The following DPP9 variants were observed in gnomAD, a reference collection of about 807,000 sequenced individuals.
The protein encoded by DPP9 is dipeptidyl peptidase IV-related protein-2.
DPP9 carries 50 observed loss-of-function variants against 110.7 expected under a neutral mutation model. The ratio of observed to expected loss-of-function variants is 0.45; its 90% CI spans 0.36 to 0.57. The LOEUF is 0.57. Ranked by LOEUF, DPP9 falls within the 20% of genes least tolerant of loss-of-function variation. The pLI, the probability that DPP9 is intolerant of heterozygous loss-of-function variation, is 0.00. For missense variants in DPP9, 1,022 were observed against 1,217.9 expected (o/e 0.84, Z 2.39); for synonymous variants, 561 against 514.4 (o/e 1.09, Z -1.23).
In DPP9 at chr19:4,718,894, G is replaced by A. The variant is rs960681360; in HGVS notation, c.56+957C>T. ...GAAAATTGAATACTGAGAAAGGTTCGCAGGGTCGAGGAATTCCTACCGCCT... is the reference window on the plus strand; with the variant it reads ...GAAAATTGAATACTGAGAAAGGTTCACAGGGTCGAGGAATTCCTACCGCCT... On this transcript the variant is annotated intron_variant, in intron 3 of 21. Coordinates refer to ENST00000262960, the MANE Select transcript of DPP9 (RefSeq NM_139159.5). The surrounding 1 kb of genome is among the most constrained non-coding windows in gnomAD (Gnocchi z 4.3). Among the ~76,000 whole-genome samples, 4 of 152,236 alleles carry A rather than the reference G, an allele frequency of 2.6e-5. No individual in the cohort carries two copies. The highest frequency in any genetic ancestry group is 5.9e-5 in the Non-Finnish European group (4 of 68,012).
intron 11 of DPP9, 36 bp downstream of exon 11, chr19:4,697,515 A>C (rs368624091): frequency 6.3e-7 from 1 of 1,576,242 alleles, no homozygotes; most frequent in East Asian, 2.2e-5. Context: ...AGGGCCCTGC[A>C]GGTGAATTCC....
In DPP9 at chr19:4,694,566, T is replaced by G; in HGVS notation, c.1516+95A>C. ...CTGTTCCTTCTCCCGCAGGGTGTGC[T>G]GGCTGAGTGGGGGGGCCGACCAATG... On this transcript the variant is annotated intron_variant, in intron 13 of 21. Coordinates refer to ENST00000262960, the MANE Select transcript of DPP9 (RefSeq NM_139159.5). The surrounding 1 kb of genome is among the most constrained non-coding windows in gnomAD (Gnocchi z 4.0). 1 of 1,462,774 alleles carries G rather than the reference T, an allele frequency of 6.8e-7. No homozygotes were observed. The highest frequency in any genetic ancestry group is 1.3e-5 in the South Asian group (1 of 77,746). The allele number at this position is 1,462,774 out of a possible 1,614,324, so 90.6% of individuals were successfully genotyped here.
intron 4 of DPP9, among the ~76,000 whole-genome samples, chr19:4,709,525 G>A (rs947615773): frequency 4.6e-5 from 7 of 152,150 alleles, no homozygotes; most frequent in African/African-American, 1.2e-4. Context: ...GACCCTGCCC[G>A]TCCGGCCGCC....
rs905429126 is a variant in DPP9 at position 4,718,009 on chromosome 19, C to A, written c.56+1842G>T. 1 of 152,334 alleles carries A rather than the reference C, an allele frequency of 6.6e-6. No individual in the cohort carries two copies. Among genetic ancestry groups the A allele is most frequent in the African/African-American group, 2.4e-5 (1 of 41,466 alleles). The allele number at this position is 152,334 out of a possible 1,614,324, so 9.4% of individuals were successfully genotyped here. A position where few individuals can be genotyped will look rare whatever the true frequency, so the allele number is the denominator to read the frequency against. On this transcript the variant is annotated intron_variant, in intron 3 of 21. Transcript: ENST00000262960. This position sits in a 1 kb window ranked among gnomAD's most constrained non-coding sequence, Gnocchi z 4.3. ...CTGGGTGCCTCTGCGGCCTGTGACA[C>A]CACCAGCAAACAGCTCCAGACCTCC... is the stretch of plus-strand genomic sequence containing the variant.
chr19:4,702,547 T>G (rs1422524692), intron 8 of DPP9, 56 bp downstream of exon 8: 2 of 1,344,724 alleles, frequency 1.5e-6, no homozygotes, highest in Non-Finnish European at 2.1e-6. Context: ...ACACAGCCTG[T>G]GATTCCAGGA....
intron 2 of DPP9, among the ~76,000 whole-genome samples, 153 bp from the exon 3 acceptor site, chr19:4,720,094 T>C (rs774968070): frequency 4.3e-4 from 65 of 152,200 alleles, no homozygotes; most frequent in Non-Finnish European, 9.0e-4. Flanking sequence ...GAAGAGACGA[T>C]GCTTCAGGCC....
Position 4,676,554 on chromosome 19 carries a change from G to C in DPP9, c.*10C>G. On this transcript the variant is annotated 3_prime_UTR_variant, in exon 22 of 22. Coordinates refer to ENST00000262960, the MANE Select transcript of DPP9 (RefSeq NM_139159.5). The surrounding 1 kb of genome is among the most constrained non-coding windows in gnomAD (Gnocchi z 4.0). The stretch of plus-strand genomic sequence containing the variant: ...TTGTGCTGTGATGTGGCGGCTCCCG[G>C]TGGGCAGGCTCAGAGGTATTCCTGT... The C allele has an allele frequency of 6.3e-7, 1 of 1,586,858 alleles. No homozygotes were observed. The highest frequency in any genetic ancestry group is 2.3e-5 in the East Asian group (1 of 43,010).
At position 4,685,700 on chromosome 19, in the gene DPP9, T is replaced by C; in HGVS notation, c.1957A>G (p.Met653Val). Residue 653 changes from methionine to valine, a missense_variant, in exon 17 of 22, where the codon ATG (methionine) becomes GTG (valine). By Grantham distance (21) the Met-to-Val change is conservative. This residue lies in a region of DPP9 where 810 missense variants were observed against 920.6 expected (regional missense o/e 0.88). Coordinates refer to ENST00000262960, the MANE Select transcript of DPP9 (RefSeq NM_139159.5). This position sits in a 1 kb window ranked among gnomAD's most constrained non-coding sequence, Gnocchi z 5.8. Reference protein sequence around the residue: ...HTRSDVRLYGMIYKPHALQPG... With the variant: ...HTRSDVRLYGVIYKPHALQPG... Reference sequence around the variant, plus strand: ...TGCAAGGCGTGGGGCTTGTAGATCATGCCGTAGAGCCGCACATCCGAGCGC... The same window carrying C: ...TGCAAGGCGTGGGGCTTGTAGATCACGCCGTAGAGCCGCACATCCGAGCGC... 6.2e-7 allele frequency: 1 copy of C among 1,613,482 alleles called. No individual in the cohort carries two copies.
Position 4,704,418 on chromosome 19 carries a change from G to T in DPP9, c.427-114C>A. On this transcript the variant is annotated intron_variant, in intron 5 of 21. Transcript: ENST00000262960. This position sits in a 1 kb window ranked among gnomAD's most constrained non-coding sequence, Gnocchi z 6.0. Reference sequence around the variant, plus strand: ...CCCAGGGAATCTGACTTCGGGCCTCGCCAGAGAGAACTTCCTGTACTGGGC... The same window carrying T: ...CCCAGGGAATCTGACTTCGGGCCTCTCCAGAGAGAACTTCCTGTACTGGGC... 1.5e-6 allele frequency: 2 copies of T among 1,303,158 alleles called. No homozygotes were observed. Among genetic ancestry groups the T allele is most frequent in the African/African-American group, 2.9e-5 (2 of 68,238 alleles). The allele number at this position is 1,303,158 out of a possible 1,614,324, so 80.7% of individuals were successfully genotyped here.
At position 4,676,638 on chromosome 19, in the gene DPP9, G is replaced by C; in HGVS notation, c.2605C>G (p.His869Asp). Residue 869 changes from histidine to aspartate, a missense_variant, in exon 22 of 22, where the codon CAC becomes GAC. His to Asp is a moderately conservative substitution (Grantham distance 81, BLOSUM62 -1). This residue lies in a region of DPP9 where 209 missense variants were observed against 280.4 expected (regional missense o/e 0.75). Coordinates refer to ENST00000262960, the MANE Select transcript of DPP9 (RefSeq NM_139159.5). The surrounding 1 kb of genome is among the most constrained non-coding windows in gnomAD (Gnocchi z 4.0). ...CCCGACTCGGGGCAGCGAATACTGT[G>C]TCTCTCGTTGGGGTAGATCTGCGGG... is the stretch of plus-strand genomic sequence containing the variant. ...YQLQIYPNER[H>D]SIRCPESGEH... The C allele has an allele frequency of 6.2e-7, 1 of 1,605,910 alleles. No individual in the cohort carries two copies. The highest frequency in any genetic ancestry group is 8.5e-7 in the Non-Finnish European group (1 of 1,176,256).
rs760314888 is a variant in DPP9 at position 4,694,849 on chromosome 19, C to A, written c.1354-26G>T. On this transcript the variant is annotated intron_variant, in intron 12 of 21. Transcript: ENST00000262960. This position sits in a 1 kb window ranked among gnomAD's most constrained non-coding sequence, Gnocchi z 4.0. ...CTGTCCGGAAAGCAGATAGAAGATG[C>A]GTCAGAAGGTGTGGGTGGCCGGGCA... 4.3e-6 allele frequency: 7 copies of A among 1,610,624 alleles called. No individual in the cohort carries two copies. Among genetic ancestry groups the A allele is most frequent in the Non-Finnish European group, 5.9e-6 (7 of 1,178,170 alleles).
chr19:4,688,590 G>T, intron 16 of DPP9, 167 bp downstream of exon 16: 3 of 886,104 alleles, frequency 3.4e-6, no homozygotes, highest in Non-Finnish European at 4.6e-6. Flanking sequence ...AGGGGCTGTG[G>T]CTTATGTCCT....
Position 4,719,903 on chromosome 19 carries a change from G to C in DPP9, c.4C>G (p.Arg2Gly). The C allele has an allele frequency of 6.4e-7, 1 of 1,551,676 alleles. No individual in the cohort carries two copies. Residue 2 changes from arginine (R) to glycine (G), a missense_variant, in exon 3 of 22, where the codon CGG becomes GGG. Around this residue, in one of 3 missense-constraint regions of DPP9, gnomAD observed 810 missense variants for 920.6 expected, o/e 0.88. Coordinates refer to ENST00000262960, the MANE Select transcript of DPP9 (RefSeq NM_139159.5). The part of the protein sequence containing the change: M[R>G]KVKKLRLDKE... ...TCCAGGCGCAGTTTCTTAACCTTCC[G>C]CATTAACCGCTCAGCTGACCTCAGG...
intron 7 of DPP9, among the ~76,000 whole-genome samples, chr19:4,703,356 A>T (rs2092401694): frequency 1.3e-5 from 2 of 151,614 alleles, no homozygotes; most frequent in Admixed American, 6.6e-5. Context: ...AGGGTGCGGT[A>T]GCTCATGCCT....
In DPP9 at chr19:4,693,081, C is replaced by T. The variant is rs1174684653; in HGVS notation, c.1516+1580G>A. ...CTTGGCTGCTGTGTGGGCTCTGCCC[C>T]CAGAGGGCACCGGACCACATCTAGG... On this transcript the variant is annotated intron_variant, in intron 13 of 21. Coordinates refer to ENST00000262960, the MANE Select transcript of DPP9 (RefSeq NM_139159.5). This position sits in a 1 kb window ranked among gnomAD's most constrained non-coding sequence, Gnocchi z 5.0. Among the ~76,000 whole-genome samples the T allele has an allele frequency of 6.6e-6, 1 of 152,140 alleles. No homozygotes were observed. Among genetic ancestry groups the T allele is most frequent in the Non-Finnish European group, 1.5e-5 (1 of 68,002 alleles).
chr19:4,680,602 G>A (rs2145310434), intron 20 of DPP9, among the ~76,000 whole-genome samples: 1 of 149,574 alleles, frequency 6.7e-6, no homozygotes, highest in East Asian at 2.0e-4. Flanking sequence ...GGTCCCAGCT[G>A]AGCCTGAGGC....
intron 10 of DPP9, among the ~76,000 whole-genome samples, chr19:4,699,017 G>A (rs911250950): frequency 6.6e-5 from 10 of 151,724 alleles, no homozygotes; most frequent in African/African-American, 2.4e-4. Context: ...AAATTAGCCG[G>A]GCATGGTGGT....
In DPP9 at chr19:4,695,141, C is replaced by A; in HGVS notation, c.1353+237G>T. On this transcript the variant is annotated intron_variant, in intron 12 of 21. Coordinates refer to ENST00000262960, the MANE Select transcript of DPP9 (RefSeq NM_139159.5). This position sits in a 1 kb window ranked among gnomAD's most constrained non-coding sequence, Gnocchi z 4.7. The stretch of plus-strand genomic sequence containing the variant: ...ACTCTAGTCTGGGCAACAGAGCAAC[C>A]CTGTCTCTAATTAAAGAAAAAAATA... 1 of 579,338 alleles carries A rather than the reference C, an allele frequency of 1.7e-6. No individual in the cohort carries two copies. 35.9% of individuals were successfully genotyped at this position (579,338 alleles called of 1,614,324 possible). A position where few individuals can be genotyped will look rare whatever the true frequency, so the allele number is the denominator to read the frequency against.
In DPP9 at chr19:4,714,257, G is replaced by C. The variant is rs927345174; in HGVS notation, c.137C>G (p.Thr46Arg). 5.7e-6 allele frequency: 9 copies of C among 1,579,526 alleles called. No homozygotes were observed. In the African/African-American group the frequency reaches 1.2e-4, roughly 21 times the overall value. The change falls in exon 4 of 22, where the codon ACA (threonine) becomes AGA (arginine). Residue 46 changes from threonine to arginine, a missense_variant. Thr to Arg is a moderately conservative substitution (Grantham distance 71, BLOSUM62 -1). Coordinates refer to ENST00000262960, the MANE Select transcript of DPP9 (RefSeq NM_139159.5). ...CTGGAAGCGGGCGGCCGGGTCATCT[G>C]TGGCGGCTGCGTCGCCTCGGTCGGC... The part of the protein sequence containing the change: ...PTADRGDAAA[T>R]DDPAARFQVQ...
Sources: gnomAD v4.1 joint callset for allele counts (sites outside exome capture counted in the v4.1 genomes callset) on GRCh38, gnomAD v4.1.1 for gene constraint, gnomAD v4.1.1 regional missense constraint, Gnocchi (gnomAD v3.1) non-coding constraint, MANE v1.5 for transcripts, NCBI Gene and HGNC (gene_info 2026-07-23, HGNC 2026-07-21) for gene names.